Variants in STARD13 observed in about 807,000 individuals in gnomAD.
STARD13 encodes the protein stAR-related lipid transfer protein 13.
In STARD13, 62 loss-of-function variants were observed where a neutral mutation model predicts 106.4. The ratio of observed to expected loss-of-function variants is 0.58; its 90% CI spans 0.48 to 0.72. The LOEUF is 0.72. STARD13 is among the 30% of genes least tolerant of loss of function. The pLI is 0.00. For synonymous variants in STARD13, 565 were observed against 553.0 expected (o/e 1.02, Z -0.31); for missense variants, 1,387 against 1,424.0 (o/e 0.97, Z 0.42).
At chr13:33,358,126 C>G in the STARD13 span, among the ~76,000 whole-genome samples, 2 of 152,252 alleles carry the variant, frequency 1.3e-5, no homozygotes, top group Admixed American at 1.3e-4. Flanking sequence ...GCACCCGGGC[C>G]AGTGGCTGCG....
At chr13:33,396,020 T>C in the STARD13 span, among the ~76,000 whole-genome samples, 2 of 151,726 alleles carry the variant, frequency 1.3e-5, no homozygotes, top group African/African-American at 4.8e-5. Context: ...TTTTTATTTT[T>C]AAATTTTTTT....
chr13:33,113,912 G>A (rs1566533973), intron 8 of STARD13, among the ~76,000 whole-genome samples: 1 of 152,162 alleles, frequency 6.6e-6, no homozygotes, highest in Non-Finnish European at 1.5e-5. Context: ...GAAAGACACC[G>A]TCAGGAGCTT....
the STARD13 span, among the ~76,000 whole-genome samples, chr13:33,509,783 C>T: frequency 6.6e-5 from 10 of 152,294 alleles, no homozygotes; most frequent in South Asian, 2.1e-4. Flanking sequence ...CAGCAAACAG[C>T]CCAGAGAATG....
the STARD13 span, among the ~76,000 whole-genome samples, chr13:33,517,140 T>G: frequency 6.6e-6 from 1 of 152,128 alleles, no homozygotes; most frequent in Non-Finnish European, 1.5e-5. Context: ...GGGGCTCAGT[T>G]TGATGGGCAA....
intron 1 of STARD13, among the ~76,000 whole-genome samples, chr13:33,323,783 A>G (rs1893644648): frequency 6.6e-6 from 1 of 152,204 alleles, no homozygotes; most frequent in African/African-American, 2.4e-5. Context: ...TTGGCTCCAC[A>G]AAATGGCTCA....
chr13:33,144,105 A>C (rs74045691), intron 3 of STARD13, among the ~76,000 whole-genome samples: 16,724 of 152,068 alleles, frequency 0.11, 1,129 homozygotes, highest in East Asian at 0.24. Flanking sequence ...TTTACTCTCC[A>C]TGGCCTTACT....
chr13:33,389,933 C>T, the STARD13 span, among the ~76,000 whole-genome samples: 1 of 152,110 alleles, frequency 6.6e-6, no homozygotes, highest in Non-Finnish European at 1.5e-5. Flanking sequence ...TGCTAGAAGT[C>T]TGACTTATTT....
chr13:33,234,469 C>G lies in STARD13; in HGVS notation c.169+51001G>C, dbSNP rs117907655. 3.7e-3 allele frequency among the ~76,000 whole-genome samples: 570 copies of G among 152,320 alleles called. 2 individuals carry two copies. The highest frequency in any genetic ancestry group is 6.3e-3 in the Non-Finnish European group (431 of 68,034). On this transcript the variant is annotated intron_variant, in intron 1 of 13. Transcript: ENST00000336934. ...ATGCTTCACTGACATTCCCCTTGCA[C>G]AAGGCCGCAACTGGCCATGGAGTTC...
At chr13:33,573,002 T>C in the STARD13 span, among the ~76,000 whole-genome samples, 1 of 152,146 alleles carries the variant, frequency 6.6e-6, no homozygotes, top group Non-Finnish European at 1.5e-5. Context: ...ATATGTCTTA[T>C]TTCTACTTTA....
the STARD13 span, among the ~76,000 whole-genome samples, chr13:33,500,784 T>C: frequency 1.3e-5 from 2 of 152,132 alleles, no homozygotes; most frequent in African/African-American, 4.8e-5. Flanking sequence ...GCAGCATCAC[T>C]AATGAAGTAA....
chr13:33,673,527 G>T, the STARD13 span, among the ~76,000 whole-genome samples: 60 of 150,318 alleles, frequency 4.0e-4, no homozygotes, highest in African/African-American at 1.5e-3. Context: ...GTCTATAGAT[G>T]GAAGCAGTCA....
the STARD13 span, among the ~76,000 whole-genome samples, chr13:33,423,334 C>A: frequency 1.3e-5 from 2 of 152,136 alleles, no homozygotes; most frequent in Admixed American, 1.3e-4. Flanking sequence ...CCAACAGACA[C>A]ATGAAAAAAT....
the STARD13 span, among the ~76,000 whole-genome samples, chr13:33,570,222 G>T: frequency 6.8e-6 from 1 of 147,916 alleles, no homozygotes; most frequent in Admixed American, 7.0e-5. Context: ...ATCTATGAAA[G>T]AGCACGGGGG....
At chr13:33,245,500 C>T (rs536896860) in intron 1 of STARD13, among the ~76,000 whole-genome samples, 3 of 152,318 alleles carry the variant, frequency 2.0e-5, no homozygotes, top group African/African-American at 7.2e-5. Flanking sequence ...AGAATGGAGG[C>T]TTTCAGAATG....
chr13:33,186,027 G>T (rs372456946), intron 1 of STARD13: 4 of 1,614,110 alleles, frequency 2.5e-6, no homozygotes, highest in South Asian at 2.2e-5. Context: ...CAGCATGGAG[G>T]TTCAAAGAAA....
At chr13:33,570,065 T>C in the STARD13 span, among the ~76,000 whole-genome samples, 3 of 147,304 alleles carry the variant, frequency 2.0e-5, no homozygotes, top group African/African-American at 7.5e-5. Context: ...CAAAAACTAA[T>C]GAAATACAAA....
At chr13:33,650,164 ATTTTTTTTTTTTTTTTTTTTTTTTTTT>A in the STARD13 span, among the ~76,000 whole-genome samples, 121 of 48,384 alleles carry the variant, frequency 2.5e-3, 1 homozygote, top group African/African-American at 8.4e-3. Context: ...CGTGACTCCA[ATTTTTTTTTTTTTTTTTTTTTTTTTTT>A]TTTTTTTTTT....
chr13:33,530,958 T>G, the STARD13 span, among the ~76,000 whole-genome samples: 1 of 152,200 alleles, frequency 6.6e-6, no homozygotes, highest in Admixed American at 6.5e-5. Context: ...CCTATTGATA[T>G]GGTTTGGCTG....
the STARD13 span, among the ~76,000 whole-genome samples, chr13:33,438,908 C>A: frequency 6.6e-6 from 1 of 152,122 alleles, no homozygotes; most frequent in African/African-American, 2.4e-5. Context: ...CATTATTTGA[C>A]AAGATACTTC....
Sources: allele counts gnomAD v4.1 joint callset (sites outside exome capture counted in the v4.1 genomes callset), GRCh38; gene constraint gnomAD v4.1.1; transcripts MANE v1.5; gene names NCBI Gene and HGNC (gene_info 2026-07-23, HGNC 2026-07-21).